Variants in CNNM4 observed in about 807,000 individuals in gnomAD.
CNNM4 encodes metal transporter CNNM4.
Under a neutral mutation model 53.7 loss-of-function variants are expected in CNNM4, and 32 were observed. The ratio of observed to expected loss-of-function variants is 0.60; its 90% CI spans 0.45 to 0.80. The LOEUF (loss-of-function observed/expected upper bound fraction) is 0.80, where lower values mean the gene tolerates loss of function less well. Ranked by LOEUF, CNNM4 falls within the 30% of genes least tolerant of loss-of-function variation. The pLI is 0.00. For synonymous variants in CNNM4, 410 were observed against 440.0 expected (o/e 0.93, Z 0.85); for missense variants, 784 against 1,022.0 (o/e 0.77, Z 3.17).
intron 1 of CNNM4, among the ~76,000 whole-genome samples, chr2:96,785,336 TTAA>T (rs1270454118): frequency 6.6e-6 from 1 of 152,086 alleles, no homozygotes; most frequent in African/African-American, 2.4e-5. Context: ...CAGAAAAAAT[TTAA>T]AGAAGTAAAA....
At position 96,761,043 on chromosome 2, in the gene CNNM4, C is replaced by A. The variant is rs2078755393; in HGVS notation, c.44C>A (p.Ala15Asp). The change falls in exon 1 of 7, where the codon GCC (alanine) becomes GAC (aspartate). Residue 15 changes from alanine to aspartate, a missense_variant. This residue lies in a region of CNNM4 where 473 missense variants were observed against 624.6 expected (regional missense o/e 0.76). Transcript: ENST00000377075. The surrounding 1 kb of genome is among the most constrained non-coding windows in gnomAD (Gnocchi z 6.0). ...GGGGRPVGGP[A>D]RGRLLLAAPV... The stretch of plus-strand genomic sequence containing the variant: ...GGCGGGCGCCCGGTCGGCGGACCGG[C>A]CCGCGGGCGCCTCCTCCTGGCGGCG... 2 of 1,230,214 alleles carry A rather than the reference C, an allele frequency of 1.6e-6. No homozygotes were observed. Among genetic ancestry groups the A allele is most frequent in the African/African-American group, 1.6e-5 (1 of 63,758 alleles). 76.2% of individuals were successfully genotyped at this position (1,230,214 alleles called of 1,614,324 possible). A position where few individuals can be genotyped will look rare whatever the true frequency, so the allele number is the denominator to read the frequency against.
chr2:96,809,639 G>A lies in CNNM4; in HGVS notation c.*122G>A. 1 of 882,216 alleles carries A rather than the reference G, an allele frequency of 1.1e-6. No individual in the cohort carries two copies. The highest frequency in any genetic ancestry group is 2.3e-5 in the Admixed American group (1 of 44,072). The allele number at this position is 882,216 out of a possible 1,614,324, so 54.6% of individuals were successfully genotyped here. On this transcript the variant is annotated 3_prime_UTR_variant, in exon 7 of 7. Transcript: ENST00000377075. ...GATAGCCTGTCTGACTGAACAGCCA[G>A]ATGGCCCCCAGCCTATGGGGGATCT...
At position 96,798,945 on chromosome 2, in the gene CNNM4, A is replaced by T. The variant is rs527423157; in HGVS notation, c.1682-112A>T. 4.7e-5 allele frequency: 50 copies of T among 1,063,678 alleles called. No homozygotes were observed. In the East Asian group the frequency reaches 9.5e-4, roughly 20 times the overall value. 65.9% of individuals were successfully genotyped at this position (1,063,678 alleles called of 1,614,324 possible). On this transcript the variant is annotated intron_variant, in intron 3 of 6. Transcript: ENST00000377075. ...ACGAGGGCCGGCCGAGCAGGGCGGG[A>T]GTCGTCTGAGCACAGCGTGGCTGCT...
intron 1 of CNNM4, among the ~76,000 whole-genome samples, chr2:96,796,293 T>C (rs1390214666): frequency 1.3e-5 from 2 of 151,786 alleles, no homozygotes; most frequent in African/African-American, 4.8e-5. Context: ...TACAGGTGTG[T>C]ACTACCACAC....
At chr2:96,782,544 T>C (rs1282631379) in intron 1 of CNNM4, among the ~76,000 whole-genome samples, 1 of 152,188 alleles carries the variant, frequency 6.6e-6, no homozygotes, top group Non-Finnish European at 1.5e-5. Flanking sequence ...AATAATTGTT[T>C]GATAGTGAGC....
At chr2:96,766,406 T>C (rs2078819256) in intron 1 of CNNM4, among the ~76,000 whole-genome samples, 1 of 152,130 alleles carries the variant, frequency 6.6e-6, no homozygotes, top group Non-Finnish European at 1.5e-5. Flanking sequence ...ACCAGGATGC[T>C]CCCACCATGG....
chr2:96,794,515 C>T (rs1177461908), intron 1 of CNNM4, among the ~76,000 whole-genome samples: 1 of 152,160 alleles, frequency 6.6e-6, no homozygotes, highest in Non-Finnish European at 1.5e-5. Context: ...TCTTGGATTT[C>T]GTTCCGCGCT....
chr2:96,777,395 G>C (rs577585522), intron 1 of CNNM4, among the ~76,000 whole-genome samples: 1 of 152,234 alleles, frequency 6.6e-6, no homozygotes, highest in East Asian at 1.9e-4. Context: ...CACGTAGGCT[G>C]GATGCAGTGA....
At chr2:96,775,630 C>T (rs1482980548) in intron 1 of CNNM4, among the ~76,000 whole-genome samples, 1 of 152,214 alleles carries the variant, frequency 6.6e-6, no homozygotes, top group Non-Finnish European at 1.5e-5. Flanking sequence ...TCAGTGTTCA[C>T]TCCTATCCCT....
rs1459195115 is a variant in CNNM4, at chr2:96,808,920, A to T, written c.2130+178A>T. ...CAGTGGTGTGATCATAGCCCACTTCAGCCTTGAACTCTTGGGTTCAAGGAT... is the reference window on the plus strand; with the variant it reads ...CAGTGGTGTGATCATAGCCCACTTCTGCCTTGAACTCTTGGGTTCAAGGAT... On this transcript the variant is annotated intron_variant, in intron 6 of 6. Transcript: ENST00000377075. This position sits in a 1 kb window ranked among gnomAD's most constrained non-coding sequence, Gnocchi z 4.9. Among the ~76,000 whole-genome samples, 1 of 151,812 alleles carries T rather than the reference A, an allele frequency of 6.6e-6. No homozygotes were observed. The highest frequency in any genetic ancestry group is 1.5e-5 in the Non-Finnish European group (1 of 68,012).
Position 96,797,234 on chromosome 2 carries a change from T to C in CNNM4, c.1546+79T>C. ...TTGGTGTCCCTAGCTGGAAGGGCCA[T>C]AGTGCAGGGACACAGGAGGCCTAGC... On this transcript the variant is annotated intron_variant, in intron 2 of 6. Transcript: ENST00000377075. This position sits in a 1 kb window ranked among gnomAD's most constrained non-coding sequence, Gnocchi z 6.0. 6.3e-7 allele frequency: 1 copy of C among 1,583,612 alleles called. No homozygotes were observed. Among genetic ancestry groups the C allele is most frequent in the Non-Finnish European group, 8.6e-7 (1 of 1,157,104 alleles).
intron 1 of CNNM4, among the ~76,000 whole-genome samples, chr2:96,768,455 C>T (rs1235110424): frequency 1.3e-5 from 2 of 152,118 alleles, no homozygotes; most frequent in African/African-American, 2.4e-5. Context: ...AGATAGGGTG[C>T]CGTGGGGCTG....
Position 96,808,637 on chromosome 2 carries a change from T to C in CNNM4, c.2025T>C (p.Thr675=). The C allele has an allele frequency of 2.5e-6, 4 of 1,614,158 alleles. No individual in the cohort carries two copies. Among genetic ancestry groups the C allele is most frequent in the Non-Finnish European group, 3.4e-6 (4 of 1,180,034 alleles). ...ACCCAGACCGCACAGACGTCTCAAC[T>C]GCAGCAACCTTGGCAGGCAGCAGCA... ...LSYPDRTDVS[T]AATLAGSSNQ... is the part of the protein sequence containing the mutation. Residue 675 remains threonine (T), a synonymous_variant, in exon 6 of 7, where the codon ACT becomes ACC. Transcript: ENST00000377075. This position sits in a 1 kb window ranked among gnomAD's most constrained non-coding sequence, Gnocchi z 4.9.
intron 1 of CNNM4, among the ~76,000 whole-genome samples, chr2:96,771,675 C>T (rs539858932): frequency 1.8e-4 from 27 of 150,874 alleles, no homozygotes; most frequent in African/African-American, 6.6e-4. Flanking sequence ...GATCGTGCCA[C>T]TGCACTCCAG....
rs552194921 is a variant in CNNM4 at position 96,789,234 on chromosome 2, G to A, written c.1403-7778G>A. ...GAGCTGTGAAGGGAAGAAATGGGTC[G>A]GGATCCAGGGCCCTAAAAGACAACA... On this transcript the variant is annotated intron_variant, in intron 1 of 6. Coordinates refer to ENST00000377075, the MANE Select transcript of CNNM4 (RefSeq NM_020184.4). Among the ~76,000 whole-genome samples the A allele has an allele frequency of 1.8e-3, 267 of 152,226 alleles. 3 individuals carry two copies. Among genetic ancestry groups the A allele is most frequent in the African/African-American group, 5.9e-3 (247 of 41,530 alleles).
At position 96,799,661 on chromosome 2, in the gene CNNM4, G is replaced by T. The variant is rs2079140988; in HGVS notation, c.1948+13G>T. The T allele has an allele frequency of 6.5e-7, 1 of 1,545,672 alleles. No homozygotes were observed. Among genetic ancestry groups the T allele is most frequent in the African/African-American group, 1.4e-5 (1 of 72,932 alleles). On this transcript the variant is annotated intron_variant, in intron 5 of 6. Coordinates refer to ENST00000377075, the MANE Select transcript of CNNM4 (RefSeq NM_020184.4). ...TCGGTCCCCTCCGGTGAGTTGTTGG[G>T]CATGGTCTTTGCTGCCCTTTGGCCC...
chr2:96,790,369 T>C (rs2079051360), intron 1 of CNNM4, among the ~76,000 whole-genome samples: 1 of 150,002 alleles, frequency 6.7e-6, no homozygotes, highest in African/African-American at 2.5e-5. Flanking sequence ...TATTTGTTTT[T>C]TTGAGACAGA....
At position 96,811,170 on chromosome 2, in the gene CNNM4, G is replaced by GACTGACTCCTGGTCTT. The variant is rs1271327933; in HGVS notation, c.*1653_*1654insACTGACTCCTGGTCTT. 2.6e-5 allele frequency: 4 copies of GACTGACTCCTGGTCTT among 152,282 alleles called. No individual in the cohort carries two copies. Among genetic ancestry groups the GACTGACTCCTGGTCTT allele is most frequent in the African/African-American group, 9.6e-5 (4 of 41,456 alleles). The allele number at this position is 152,282 out of a possible 1,614,324, so 9.4% of individuals were successfully genotyped here. ...CCCCTGGCCAGTCTGAGGTCTCCTA[G>GACTGACTCCTGGTCTT]CCATAGAACTGACTCCTGGAAGCCT... On this transcript the variant is annotated 3_prime_UTR_variant, in exon 7 of 7. Transcript: ENST00000377075.
chr2:96,794,909 C>T (rs1022378297), intron 1 of CNNM4, among the ~76,000 whole-genome samples: 7 of 152,154 alleles, frequency 4.6e-5, no homozygotes, highest in African/African-American at 7.2e-5. Context: ...TTGGGCATCC[C>T]GAATCCAAAA....
Sources: gnomAD v4.1 joint callset for allele counts (sites outside exome capture counted in the v4.1 genomes callset) on GRCh38, gnomAD v4.1.1 for gene constraint, gnomAD v4.1.1 regional missense constraint, Gnocchi (gnomAD v3.1) non-coding constraint, MANE v1.5 for transcripts, NCBI Gene and HGNC (gene_info 2026-07-23, HGNC 2026-07-21) for gene names.